The following ZC3H12C variants were observed in gnomAD, a reference collection of about 807,000 sequenced individuals.
The protein encoded by ZC3H12C is zinc finger CCCH-type containing 12C.
Under a neutral mutation model 76.3 loss-of-function variants are expected in ZC3H12C, and 20 were observed. That is an observed-to-expected ratio of 0.26 (90% CI 0.18 to 0.38). The LOEUF (loss-of-function observed/expected upper bound fraction) is 0.38. Among genes scored for constraint, ZC3H12C ranks in the 10% least tolerant of loss-of-function variants. ZC3H12C has a pLI of 1.00. For synonymous variants in ZC3H12C, 352 were observed against 399.6 expected, an observed-to-expected ratio of 0.88 and a Z score of 1.42; for missense variants, 874 against 1,086.5, an observed-to-expected ratio of 0.80 and a Z score of 2.75.
chr11:110,168,437 T>G lies in ZC3H12C; in HGVS notation c.*2700T>G, dbSNP rs1187295922. Reference sequence around the variant, plus strand: ...GCAATAAGTCAAAGGAGTCCATCATTAAATTAAATCCATAGCTGATCACAA... The same window carrying G: ...GCAATAAGTCAAAGGAGTCCATCATGAAATTAAATCCATAGCTGATCACAA... On this transcript the variant is annotated 3_prime_UTR_variant, in exon 6 of 6. Coordinates refer to ENST00000278590, the MANE Select transcript of ZC3H12C (RefSeq NM_033390.2). The G allele has an allele frequency of 1.3e-5, 2 of 152,182 alleles. No homozygotes were observed. The highest frequency in any genetic ancestry group is 3.2e-3 in the Middle Eastern group (1 of 316). The allele number at this position is 152,182 out of a possible 1,614,324, so 9.4% of individuals were successfully genotyped here. A position where few individuals can be genotyped will look rare whatever the true frequency, so the allele number is the denominator to read the frequency against.
intron 1 of ZC3H12C, among the ~76,000 whole-genome samples, chr11:110,107,852 A>T (rs138582667): frequency 6.6e-6 from 1 of 152,076 alleles, no homozygotes; most frequent in Non-Finnish European, 1.5e-5. Context: ...TTGTAGAGAC[A>T]AGGTTTTGCC....
Position 110,137,176 on chromosome 11 carries a change from G to A in ZC3H12C, c.535G>A (p.Val179Ile). 5 of 1,613,866 alleles carry A rather than the reference G, an allele frequency of 3.1e-6. No homozygotes were observed. The highest frequency in any genetic ancestry group is 2.5e-6 in the Non-Finnish European group (3 of 1,179,838). Residue 179 changes from valine to isoleucine, a missense_variant, in exon 2 of 6, where the codon GTT becomes ATT. By Grantham distance (29) the Val-to-Ile change is conservative. Around this residue, in one of 3 missense-constraint regions of ZC3H12C, gnomAD observed 210 missense variants for 227.1 expected, o/e 0.92. Transcript: ENST00000278590. The stretch of plus-strand genomic sequence containing the variant: ...TAAGTTAGGTTATTCTGAAGAACAG[G>A]TTCAGCTTGTACTAAACAAACTTGG... ...ALKLGYSEEQ[V>I]QLVLNKLGTD...
rs899388428 is a variant in ZC3H12C at position 110,171,710 on chromosome 11, T to G, written c.*5973T>G. 6.6e-6 allele frequency: 1 copy of G among 152,248 alleles called. No individual in the cohort carries two copies. Among genetic ancestry groups the G allele is most frequent in the African/African-American group, 2.4e-5 (1 of 41,466 alleles). 9.4% of individuals were successfully genotyped at this position (152,248 alleles called of 1,614,324 possible). A position where few individuals can be genotyped will look rare whatever the true frequency, so the allele number is the denominator to read the frequency against. On this transcript the variant is annotated 3_prime_UTR_variant, in exon 6 of 6. Transcript: ENST00000278590. ...AATAAAAGCATCATACTTCTCTAGT[T>G]TGCCTGCATTCAGTGGCTAACATTA...
In ZC3H12C at chr11:110,137,032, C is replaced by G. The variant is rs374188395; in HGVS notation, c.391C>G (p.Leu131Val). 1.2e-6 allele frequency: 2 copies of G among 1,613,710 alleles called. No homozygotes were observed. The highest frequency in any genetic ancestry group is 2.7e-5 in the African/African-American group (2 of 74,926). ...GTCTCCCTGTTTAGAGCCTCACATA[C>G]TCAAGCGCAATGAAATTTTGCAAGA... ...CRSPCLEPHI[L>V]KRNEILQDFK... Residue 131 changes from leucine to valine, a missense_variant, in exon 2 of 6, where the codon CTC becomes GTC. By Grantham distance (32) the Leu-to-Val change is conservative (BLOSUM62 1). This residue lies in a region of ZC3H12C where 210 missense variants were observed against 227.1 expected (regional missense o/e 0.92). Transcript: ENST00000278590.
chr11:110,152,952 A>G lies in ZC3H12C; in HGVS notation c.807A>G (p.Gly269=). 6.2e-7 allele frequency: 1 copy of G among 1,612,826 alleles called. No homozygotes were observed. The highest frequency in any genetic ancestry group is 8.5e-7 in the Non-Finnish European group (1 of 1,179,382). ...ACAAAGAAGTATTTTCCTGCAGAGGAATAAAATTGGCAGTGGATTGGTTTT... is the reference window on the plus strand; with the variant it reads ...ACAAAGAAGTATTTTCCTGCAGAGGGATAAAATTGGCAGTGGATTGGTTTT... ...HGNKEVFSCR[G]IKLAVDWFLE... Residue 269 remains glycine (G), a synonymous_variant, in exon 3 of 6, where the codon GGA becomes GGG. Coordinates refer to ENST00000278590, the MANE Select transcript of ZC3H12C (RefSeq NM_033390.2).
chr11:110,160,099 C>T (rs1021213986), intron 4 of ZC3H12C, among the ~76,000 whole-genome samples: 2 of 152,108 alleles, frequency 1.3e-5, no homozygotes, highest in South Asian at 2.1e-4. Flanking sequence ...TCTAAACATA[C>T]CTAAACACTG....
chr11:110,134,325 C>T (rs1308316723), intron 1 of ZC3H12C, among the ~76,000 whole-genome samples: 1 of 152,102 alleles, frequency 6.6e-6, no homozygotes, highest in Non-Finnish European at 1.5e-5. Context: ...TATTCTTTCA[C>T]TGTGCTAGCA....
At chr11:110,136,064 T>C (rs891022202) in intron 1 of ZC3H12C, 3 of 152,276 alleles carry the variant, frequency 2.0e-5, no homozygotes, top group African/African-American at 7.2e-5. Context: ...TCTGTCTATC[T>C]TAGAATATGT....
At chr11:110,117,811 TATATATACACACACAC>T (rs1367532887) in intron 1 of ZC3H12C, among the ~76,000 whole-genome samples, 1 of 118,050 alleles carries the variant, frequency 8.5e-6, no homozygotes, top group Admixed American at 9.1e-5. Context: ...TATACACACA[TATATATACACACACAC>T]ATATAATATA....
intron 1 of ZC3H12C, chr11:110,135,949 T>C (rs930055759): frequency 6.6e-6 from 1 of 152,236 alleles, no homozygotes; most frequent in Non-Finnish European, 1.5e-5. Flanking sequence ...CTAGAAATTA[T>C]ATTGTGTTAC....
intron 3 of ZC3H12C, among the ~76,000 whole-genome samples, chr11:110,156,266 C>G (rs1432800512): frequency 6.6e-6 from 1 of 151,990 alleles, no homozygotes; most frequent in African/African-American, 2.4e-5. Flanking sequence ...TTCACTGCAA[C>G]AAAAAAGACC....
intron 1 of ZC3H12C, among the ~76,000 whole-genome samples, chr11:110,126,455 A>G (rs1269434986): frequency 6.6e-6 from 1 of 152,086 alleles, no homozygotes; most frequent in Non-Finnish European, 1.5e-5. Flanking sequence ...CCTGGGCTCA[A>G]GCAGTCCTCC....
At chr11:110,126,216 CTTTTTT>C (rs56199067) in intron 1 of ZC3H12C, among the ~76,000 whole-genome samples, 1 of 86,262 alleles carries the variant, frequency 1.2e-5, no homozygotes, top group Non-Finnish European at 2.4e-5. Context: ...TTGTTTTCTT[CTTTTTT>C]TTTTTTTTTT....
At chr11:110,101,641 G>A (rs903049954) in intron 1 of ZC3H12C, among the ~76,000 whole-genome samples, 5 of 151,620 alleles carry the variant, frequency 3.3e-5, no homozygotes, top group Admixed American at 1.3e-4. Flanking sequence ...TCTGCCTCCC[G>A]GGTTCAAGCG....
intron 1 of ZC3H12C, among the ~76,000 whole-genome samples, chr11:110,110,026 A>G (rs1861399254): frequency 6.6e-6 from 1 of 152,172 alleles, no homozygotes; most frequent in South Asian, 2.1e-4. Context: ...CTGAATCTCA[A>G]CTTTGAAGTC....
At chr11:110,105,025 A>T (rs1450613872) in intron 1 of ZC3H12C, among the ~76,000 whole-genome samples, 1 of 152,210 alleles carries the variant, frequency 6.6e-6, no homozygotes, top group Non-Finnish European at 1.5e-5. Flanking sequence ...TAAAGCTAAA[A>T]TTAGTTTTTG....
intron 2 of ZC3H12C, among the ~76,000 whole-genome samples, chr11:110,142,978 G>T (rs1591478475): frequency 6.6e-6 from 1 of 152,108 alleles, no homozygotes; most frequent in Admixed American, 6.6e-5. Context: ...TTTTCTGGTG[G>T]TATGTTTAGT....
At chr11:110,137,513 C>A in intron 2 of ZC3H12C, 99 bp downstream of exon 2, 1 of 1,343,668 alleles carries the variant, frequency 7.4e-7, no homozygotes, top group South Asian at 1.6e-5. Context: ...TCATTAAAGT[C>A]AACATTTTTC....
intron 1 of ZC3H12C, among the ~76,000 whole-genome samples, chr11:110,129,962 C>T (rs1402151436): frequency 6.6e-6 from 1 of 151,994 alleles, no homozygotes; most frequent in Non-Finnish European, 1.5e-5. Context: ...ACGAAAGGGG[C>T]TTATTTTTAT....
Sources: gnomAD v4.1 joint callset for allele counts (sites outside exome capture counted in the v4.1 genomes callset) on GRCh38, gnomAD v4.1.1 for gene constraint, gnomAD v4.1.1 regional missense constraint, MANE v1.5 for transcripts, NCBI Gene and HGNC (gene_info 2026-07-23, HGNC 2026-07-21) for gene names.